Variants in MAGEC3 observed in about 807,000 individuals in gnomAD.
MAGEC3 encodes the protein MAGE family member C3, also known as melanoma-associated antigen C3.
Under a neutral mutation model 35.3 loss-of-function variants are expected in MAGEC3, and 34 were observed. That is an observed-to-expected ratio of 0.96 (90% CI 0.73 to 1.28). The LOEUF (loss-of-function observed/expected upper bound fraction) is 1.28, where lower values mean the gene tolerates loss of function less well. Ranked by LOEUF, MAGEC3 falls within the 50% of genes most tolerant of loss-of-function variation. The pLI is 0.00. For missense variants in MAGEC3, 561 were observed against 483.6 expected (o/e 1.16, Z -1.50); for synonymous variants, 202 against 185.6 (o/e 1.09, Z -0.72).
chrX:141,872,440 AC>A (rs1569473930), intron 2 of MAGEC3, among the ~76,000 whole-genome samples: 1 of 110,938 alleles, frequency 9.0e-6, no homozygotes, highest in Non-Finnish European at 1.9e-5. Flanking sequence ...GAAGACAGAG[AC>A]CCAGAATCCT....
chrX:141,880,822 GAGA>G (rs763885870), intron 3 of MAGEC3: 2 of 1,132,193 alleles, frequency 1.8e-6, no homozygotes, highest in African/African-American at 3.6e-5. Context: ...ACCACCTTAA[GAGA>G]AGAAGAGCTG....
chrX:141,874,152 C>T (rs909064138), intron 2 of MAGEC3, among the ~76,000 whole-genome samples: 2 of 112,087 alleles, frequency 1.8e-5, no homozygotes, highest in African/African-American at 6.5e-5. Flanking sequence ...AACAAGTGGA[C>T]ATCCACATGG....
In MAGEC3 at chrX:141,878,930, G is replaced by C. The variant is rs145044113; in HGVS notation, c.259-245G>C. 5.1e-3 allele frequency among the ~76,000 whole-genome samples: 574 copies of C among 111,824 alleles called. 8 individuals are homozygous for C. The highest frequency in any genetic ancestry group is 0.016 in the African/African-American group (494 of 30,823). ...TCCTGCCCACCCCATTTTAGAAAAA[G>C]GACACCAGAGTCCTGCCTTGGGCCT... is the stretch of plus-strand genomic sequence containing the variant. On this transcript the variant is annotated intron_variant, in intron 2 of 7. Coordinates refer to ENST00000298296, the MANE Select transcript of MAGEC3 (RefSeq NM_138702.1).
Position 141,864,543 on chromosome X carries a change from A to T in MAGEC3, c.124-928A>T, listed in dbSNP as rs780091420. 8.3e-4 allele frequency among the ~76,000 whole-genome samples: 92 copies of T among 111,015 alleles called. 1 individual carries two copies. The highest frequency in any genetic ancestry group is 1.9e-3 in the South Asian group (5 of 2,604). ...GCAGGAACAGAAAACAAAATACTGC[A>T]TGTTCTCACTTATAAGTAGGAGCTA... On this transcript the variant is annotated intron_variant, in intron 1 of 7. Coordinates refer to ENST00000298296, the MANE Select transcript of MAGEC3 (RefSeq NM_138702.1).
intron 1 of MAGEC3, among the ~76,000 whole-genome samples, chrX:141,857,188 G>GA (rs987202363): frequency 3.3e-3 from 339 of 102,648 alleles, no homozygotes; most frequent in East Asian, 0.014. Flanking sequence ...ATGTAATTGT[G>GA]AAAAAAAAAA....
At chrX:141,846,552 C>G (rs1471278862) in intron 1 of MAGEC3, among the ~76,000 whole-genome samples, 1 of 110,869 alleles carries the variant, frequency 9.0e-6, no homozygotes, top group African/African-American at 3.3e-5. Flanking sequence ...TTGTAATTCT[C>G]TCTTAACTCA....
chrX:141,857,949 A>G (rs757458044), intron 1 of MAGEC3, among the ~76,000 whole-genome samples: 2 of 111,538 alleles, frequency 1.8e-5, no homozygotes, highest in Middle Eastern at 4.7e-3. Context: ...CTTAATGCCT[A>G]TATCTTGAAA....
chrX:141,877,938 A>G (rs986270528), intron 2 of MAGEC3, among the ~76,000 whole-genome samples: 9 of 111,979 alleles, frequency 8.0e-5, no homozygotes, highest in Admixed American at 9.5e-5. Flanking sequence ...ATTGTTTTTA[A>G]CAAACATTCT....
intron 1 of MAGEC3, among the ~76,000 whole-genome samples, chrX:141,861,472 C>T (rs2017814486): frequency 9.0e-6 from 1 of 111,331 alleles, no homozygotes; most frequent in African/African-American, 3.3e-5. Flanking sequence ...GCCACAATAA[C>T]CAAAGTAATC....
chrX:141,838,656 C>T, intron 1 of MAGEC3: 1 of 751,119 alleles, frequency 1.3e-6, no homozygotes, highest in Non-Finnish European at 1.6e-6. Context: ...AAACATCAGA[C>T]ATTTAGTTTG....
intron 1 of MAGEC3, among the ~76,000 whole-genome samples, chrX:141,850,570 C>T (rs1230527096): frequency 1.8e-5 from 2 of 110,616 alleles, no homozygotes; most frequent in African/African-American, 6.6e-5. Context: ...AACAATACCC[C>T]CACACATTAT....
At chrX:141,896,573 T>C in intron 6 of MAGEC3, 1 of 1,189,719 alleles carries the variant, frequency 8.4e-7, no homozygotes, top group South Asian at 1.9e-5. Context: ...ACACTGTCAC[T>C]GTCTTCCTCA....
At chrX:141,846,642 C>T (rs2017718634) in intron 1 of MAGEC3, among the ~76,000 whole-genome samples, 1 of 111,206 alleles carries the variant, frequency 9.0e-6, no homozygotes, top group African/African-American at 3.3e-5. Context: ...TATATCTCAT[C>T]ATTTACTTTT....
chrX:141,897,605 A>G (rs1231773613), intron 7 of MAGEC3, 24 bp from the exon 8 acceptor site: 2 of 1,201,157 alleles, frequency 1.7e-6, no homozygotes, highest in Non-Finnish European at 1.1e-6. Context: ...CCTCCACGTT[A>G]TGAATTTTTG....
intron 1 of MAGEC3, among the ~76,000 whole-genome samples, chrX:141,854,388 T>G (rs996826043): frequency 5.4e-5 from 6 of 110,822 alleles, no homozygotes; most frequent in Non-Finnish European, 5.7e-5. Context: ...CTAAGGTGAT[T>G]GAAATGGTTT....
intron 2 of MAGEC3, among the ~76,000 whole-genome samples, chrX:141,868,339 G>A (rs994491767): frequency 9.0e-6 from 1 of 111,428 alleles, no homozygotes. Flanking sequence ...GTATCCAGGA[G>A]TTAATTTCTG....
chrX:141,878,835 A>G (rs5954455), intron 2 of MAGEC3, among the ~76,000 whole-genome samples: 10,287 of 111,432 alleles, frequency 0.092, 785 homozygotes, highest in African/African-American at 0.24. Flanking sequence ...TCTGAAGAAC[A>G]TAGTCTCTGG....
At chrX:141,865,627 T>C in intron 2 of MAGEC3, 22 bp downstream of exon 2, 1 of 1,190,707 alleles carries the variant, frequency 8.4e-7, no homozygotes, top group Non-Finnish European at 1.1e-6. Context: ...AAGGAAAGAC[T>C]GAGGGGACCT....
At chrX:141,868,104 C>CA (rs1179253475) in intron 2 of MAGEC3, among the ~76,000 whole-genome samples, 1 of 107,477 alleles carries the variant, frequency 9.3e-6, no homozygotes, top group Non-Finnish European at 1.9e-5. Flanking sequence ...GCCTGGGCGA[C>CA]AGAGCGAGAC....
Sources: allele counts gnomAD v4.1 joint callset (sites outside exome capture counted in the v4.1 genomes callset), GRCh38; gene constraint gnomAD v4.1.1; transcripts MANE v1.5; gene names NCBI Gene and HGNC (gene_info 2026-07-23, HGNC 2026-07-21).